Variants in TDRD9 observed in about 807,000 individuals in gnomAD.
TDRD9 encodes the protein ATP-dependent RNA helicase TDRD9.
Under a neutral mutation model 172.6 loss-of-function variants are expected in TDRD9, and 124 were observed. The observed-to-expected ratio is 0.72, with a 90% CI of 0.62 to 0.83. The LOEUF (loss-of-function observed/expected upper bound fraction) is 0.83, where lower values mean the gene tolerates loss of function less well. Ranked by LOEUF, TDRD9 falls within the 40% of genes least tolerant of loss-of-function variation. TDRD9 has a pLI of 0.00. For missense variants in TDRD9, 1,479 were observed against 1,714.1 expected (o/e 0.86, Z 2.42); for synonymous variants, 619 against 617.1 (o/e 1.00, Z -0.05).
At chr14:104,038,562 T>A (rs1054167476) in intron 32 of TDRD9, among the ~76,000 whole-genome samples, 1 of 152,214 alleles carries the variant, frequency 6.6e-6, no homozygotes, top group African/African-American at 2.4e-5. Context: ...AGACCTCAGT[T>A]GCTCTCAGTG....
chr14:103,992,541 A>G (rs988986385), intron 9 of TDRD9, among the ~76,000 whole-genome samples: 6 of 152,184 alleles, frequency 3.9e-5, no homozygotes, highest in African/African-American at 1.4e-4. Flanking sequence ...AAGTAGAGCC[A>G]TGTTGATACT....
At chr14:103,958,154 T>G (rs1247378213) in intron 2 of TDRD9, among the ~76,000 whole-genome samples, 1 of 152,212 alleles carries the variant, frequency 6.6e-6, no homozygotes, top group African/African-American at 2.4e-5. Context: ...GTTACACAAA[T>G]AAATGCTTTT....
Position 103,994,583 on chromosome 14 carries a change from C to A in TDRD9, c.1300C>A (p.Pro434Thr). 6.2e-7 allele frequency: 1 copy of A among 1,613,440 alleles called. No individual in the cohort carries two copies. The highest frequency in any genetic ancestry group is 8.5e-7 in the Non-Finnish European group (1 of 1,179,620). Residue 434 changes from proline to threonine, a missense_variant, in exon 11 of 36, where the codon CCA becomes ACA. Pro to Thr is a conservative substitution (Grantham distance 38). Coordinates refer to ENST00000409874, the MANE Select transcript of TDRD9 (RefSeq NM_153046.3). ...AGAACAGAATAATGTCTTTTTAAGTCCAGTCCCTGGGTACAGAAAGGTAGG... is the reference window on the plus strand; with the variant it reads ...AGAACAGAATAATGTCTTTTTAAGTACAGTCCCTGGGTACAGAAAGGTAGG... Reference protein sequence around the residue: ...LEEQNNVFLSPVPGYRKIILS... With the variant: ...LEEQNNVFLSTVPGYRKIILS...
At chr14:103,998,832 G>A (rs896460319) in intron 13 of TDRD9, 104 bp downstream of exon 13, 30 of 629,328 alleles carry the variant, frequency 4.8e-5, no homozygotes, top group Non-Finnish European at 7.5e-5. Context: ...TTGCTCTGTC[G>A]CCCAGGCTGG....
intron 5 of TDRD9, among the ~76,000 whole-genome samples, chr14:103,969,628 C>A (rs2032930917): frequency 6.6e-6 from 1 of 152,184 alleles, no homozygotes; most frequent in Non-Finnish European, 1.5e-5. Context: ...AATCCTTACA[C>A]CTCTTACACT....
chr14:103,943,566 G>T (rs2031391538), intron 1 of TDRD9, among the ~76,000 whole-genome samples: 1 of 148,768 alleles, frequency 6.7e-6, no homozygotes, highest in Admixed American at 6.7e-5. Flanking sequence ...GCCCAGGCTG[G>T]TCCGTAAACT....
chr14:103,968,794 T>TAAAAAAAAAAAAAA (rs1475595274), intron 5 of TDRD9, among the ~76,000 whole-genome samples: 1 of 2,164 alleles, frequency 4.6e-4, no homozygotes, highest in Non-Finnish European at 1.8e-3. Context: ...AGACTCTGTC[T>TAAAAAAAAAAAAAA]CAAAAAAAAA....
At chr14:104,030,424 G>T (rs537562531) in intron 28 of TDRD9, among the ~76,000 whole-genome samples, 18 of 152,322 alleles carry the variant, frequency 1.2e-4, no homozygotes, top group African/African-American at 3.6e-4. Context: ...CTGGGAGGTG[G>T]AGGTTGTAGT....
intron 5 of TDRD9, 112 bp downstream of exon 5, chr14:103,966,943 C>A: frequency 9.6e-7 from 1 of 1,043,666 alleles, no homozygotes; most frequent in East Asian, 2.9e-5. Context: ...TTTTTTCCTT[C>A]CCCTTTACTT....
chr14:104,034,062 T>A lies in TDRD9; in HGVS notation c.3612T>A (p.Asn1204Lys). 1 of 1,546,734 alleles carries A rather than the reference T, an allele frequency of 6.5e-7. No homozygotes were observed. The highest frequency in any genetic ancestry group is 8.8e-7 in the Non-Finnish European group (1 of 1,142,392). Residue 1204 changes from asparagine (N) to lysine (K), a missense_variant, in exon 31 of 36, where the codon AAT becomes AAA. Physicochemically the swap from Asn to Lys is moderately conservative, Grantham distance 94 (BLOSUM62 0). Coordinates refer to ENST00000409874, the MANE Select transcript of TDRD9 (RefSeq NM_153046.3). ...RMLVAASLSI[N>K]ATGSTMLLRE... is the part of the protein sequence containing the mutation. ...TGGTTGCAGCTTCCCTTTCCATCAA[T>A]GCGACTGGTAATTTAAAGATCCTGT...
At chr14:104,050,245 T>C (rs2035901967) in intron 35 of TDRD9, among the ~76,000 whole-genome samples, 1 of 152,162 alleles carries the variant, frequency 6.6e-6, no homozygotes, top group African/African-American at 2.4e-5. Context: ...AGACGTCCTC[T>C]CTTAGGGCAC....
At chr14:104,035,093 T>A in intron 32 of TDRD9, 37 bp downstream of exon 32, 1 of 1,520,498 alleles carries the variant, frequency 6.6e-7, no homozygotes, top group Non-Finnish European at 8.9e-7. Flanking sequence ...CTTTGTAAAA[T>A]AAGAACCTGG....
rs116710917 is a variant in TDRD9 at position 103,943,731 on chromosome 14, A to G, written c.216-11933A>G. 4.6e-3 allele frequency among the ~76,000 whole-genome samples: 693 copies of G among 152,278 alleles called. 5 individuals carry two copies. The highest frequency in any genetic ancestry group is 0.015 in the African/African-American group (629 of 41,566). On this transcript the variant is annotated intron_variant, in intron 1 of 35. Transcript: ENST00000409874. Reference sequence around the variant, plus strand: ...TCTTTTACTCCCCAGTTCTCTGTGAAACGACTGCATAGTGGTTTTCCCTTT... The same window carrying G: ...TCTTTTACTCCCCAGTTCTCTGTGAGACGACTGCATAGTGGTTTTCCCTTT...
chr14:104,015,789 G>A (rs767856986), intron 21 of TDRD9, among the ~76,000 whole-genome samples, 192 bp from the exon 22 acceptor site: 1 of 152,182 alleles, frequency 6.6e-6, no homozygotes, highest in Non-Finnish European at 1.5e-5. Context: ...TTATTTTTTA[G>A]TGTTTCTGTT....
At chr14:104,022,103 G>T in intron 23 of TDRD9, 54 bp from the exon 24 acceptor site, 1 of 1,465,736 alleles carries the variant, frequency 6.8e-7, no homozygotes, top group East Asian at 2.5e-5. Flanking sequence ...TGAATATGCA[G>T]TTTTTAAACA....
chr14:103,975,680 T>G, intron 7 of TDRD9, 127 bp downstream of exon 7: 1 of 928,368 alleles, frequency 1.1e-6, no homozygotes, highest in South Asian at 2.1e-5. Flanking sequence ...GCATACTAAG[T>G]GTACATATTT....
At chr14:103,939,026 G>GACT (rs2030998826) in intron 1 of TDRD9, among the ~76,000 whole-genome samples, 1 of 151,860 alleles carries the variant, frequency 6.6e-6, no homozygotes, top group South Asian at 2.1e-4. Flanking sequence ...AATTGCATGT[G>GACT]GGTGACTTAG....
At chr14:104,031,988 G>T (rs1185063562) in intron 29 of TDRD9, 29 bp from the exon 30 acceptor site, 5 of 1,476,780 alleles carry the variant, frequency 3.4e-6, no homozygotes, top group Non-Finnish European at 4.6e-6. Context: ...TTGCTTATTG[G>T]TAACACTTCC....
At chr14:104,044,285 G>GGCA (rs1367462050) in intron 34 of TDRD9, among the ~76,000 whole-genome samples, 1 of 152,130 alleles carries the variant, frequency 6.6e-6, no homozygotes, top group Non-Finnish European at 1.5e-5. Context: ...CCTGGCAGCA[G>GGCA]GCAGCAGATG....
Sources: gnomAD v4.1 joint callset for allele counts (sites outside exome capture counted in the v4.1 genomes callset) on GRCh38, gnomAD v4.1.1 for gene constraint, MANE v1.5 for transcripts, NCBI Gene and HGNC (gene_info 2026-07-23, HGNC 2026-07-21) for gene names.